DLC1: variants seen among roughly 807,000 people sequenced by gnomAD.
DLC1 encodes rho GTPase-activating protein 7.
DLC1 carries 54 observed loss-of-function variants against 140.3 expected under a neutral mutation model. That is an observed-to-expected ratio of 0.38 (90% CI 0.31 to 0.48). The LOEUF (loss-of-function observed/expected upper bound fraction) is 0.48, where lower values mean the gene tolerates loss of function less well. Among genes scored for constraint, DLC1 ranks in the 20% least tolerant of loss-of-function variants. The pLI is 0.96. For missense variants in DLC1, 2,536 were observed against 1,907.0 expected (o/e 1.33, Z -6.14); for synonymous variants, 986 against 728.1 (o/e 1.35, Z -5.70).
chr8:13,355,988 G>A (rs1482174832), intron 4 of DLC1, among the ~76,000 whole-genome samples: 1 of 142,918 alleles, frequency 7.0e-6, no homozygotes, highest in Non-Finnish European at 1.5e-5. Flanking sequence ...TACTCAGGAG[G>A]CAGAGGCAGG....
At chr8:13,165,339 G>A (rs1825032412) in intron 5 of DLC1, among the ~76,000 whole-genome samples, 1 of 152,128 alleles carries the variant, frequency 6.6e-6, no homozygotes, top group Non-Finnish European at 1.5e-5. Context: ...CTTCAGAAAG[G>A]GAATAAGTAG....
intron 2 of DLC1, among the ~76,000 whole-genome samples, chr8:13,444,393 A>G (rs568154361): frequency 1.3e-5 from 2 of 152,236 alleles, no homozygotes; most frequent in East Asian, 1.9e-4. Context: ...ACACATGTAT[A>G]CCTATGTAAC....
intron 4 of DLC1, among the ~76,000 whole-genome samples, chr8:13,352,986 C>G (rs1224210513): frequency 1.3e-5 from 2 of 152,074 alleles, no homozygotes; most frequent in African/African-American, 2.4e-5. Flanking sequence ...AAGCAAAGCC[C>G]TACCATAAAT....
intron 2 of DLC1, among the ~76,000 whole-genome samples, chr8:13,454,208 A>C (rs1799286163): frequency 6.6e-6 from 1 of 152,166 alleles, no homozygotes; most frequent in Non-Finnish European, 1.5e-5. Flanking sequence ...CTCCTGGGAA[A>C]CTTATACAAG....
At chr8:13,416,057 G>C (rs567957175) in intron 2 of DLC1, among the ~76,000 whole-genome samples, 8 of 152,290 alleles carry the variant, frequency 5.3e-5, no homozygotes, top group African/African-American at 1.7e-4. Flanking sequence ...CCTAGACACT[G>C]CTCAGCTGAG....
At chr8:13,379,300 G>A (rs996618414) in intron 4 of DLC1, among the ~76,000 whole-genome samples, 4 of 152,086 alleles carry the variant, frequency 2.6e-5, no homozygotes, top group African/African-American at 9.7e-5. Context: ...CCCCACAACA[G>A]TGCAGATGCT....
chr8:13,535,791 A>G (rs1417653549), intron 1 of DLC1, among the ~76,000 whole-genome samples: 1 of 152,102 alleles, frequency 6.6e-6, no homozygotes, highest in Non-Finnish European at 1.5e-5. Flanking sequence ...TAATATTTAT[A>G]AAATGTCTAT....
chr8:13,475,585 A>G (rs1301089470), intron 2 of DLC1, among the ~76,000 whole-genome samples: 1 of 152,258 alleles, frequency 6.6e-6, no homozygotes, highest in African/African-American at 2.4e-5. Flanking sequence ...TATAAACAGT[A>G]GTAGTTTCAC....
chr8:13,207,365 G>A (rs1827716921), intron 5 of DLC1, among the ~76,000 whole-genome samples: 1 of 152,108 alleles, frequency 6.6e-6, no homozygotes, highest in South Asian at 2.1e-4. Context: ...TAGTAAAAAA[G>A]TTGTATTTTG....
At chr8:13,262,848 T>G (rs1359304530) in intron 5 of DLC1, among the ~76,000 whole-genome samples, 1 of 152,224 alleles carries the variant, frequency 6.6e-6, no homozygotes. Flanking sequence ...GGTCATCATC[T>G]CCACAGGCAG....
At chr8:13,482,527 A>G (rs572505942) in intron 2 of DLC1, among the ~76,000 whole-genome samples, 2 of 152,320 alleles carry the variant, frequency 1.3e-5, no homozygotes, top group South Asian at 4.1e-4. Flanking sequence ...TTGACTTCTT[A>G]AAACTATAGC....
intron 2 of DLC1, among the ~76,000 whole-genome samples, chr8:13,451,033 G>A (rs1241902610): frequency 3.9e-5 from 1 of 25,636 alleles, no homozygotes; most frequent in East Asian, 1.0e-3. Flanking sequence ...GTGAGACTCC[G>A]TCTCAAAAAA....
At chr8:13,142,517 A>T (rs999014524) in intron 5 of DLC1, among the ~76,000 whole-genome samples, 1 of 152,200 alleles carries the variant, frequency 6.6e-6, no homozygotes, top group African/African-American at 2.4e-5. Flanking sequence ...TAAAAATAAA[A>T]ATCTAGCTAT....
chr8:13,561,784 A>T (rs560396830), intron 1 of DLC1, among the ~76,000 whole-genome samples: 2 of 152,330 alleles, frequency 1.3e-5, no homozygotes, highest in South Asian at 4.1e-4. Context: ...TGTTTCATAA[A>T]TCCAAGACAA....
chr8:13,591,552 C>T (rs1450961323), intron 1 of DLC1, among the ~76,000 whole-genome samples: 1 of 152,096 alleles, frequency 6.6e-6, no homozygotes, highest in African/African-American at 2.4e-5. Flanking sequence ...AACCTCTTTT[C>T]TTCATAAATT....
At chr8:13,095,050 C>G (rs764387108) in intron 11 of DLC1, 36 bp downstream of exon 11, 1 of 1,613,660 alleles carries the variant, frequency 6.2e-7, no homozygotes, top group South Asian at 1.1e-5. Flanking sequence ...AATCCGAGCT[C>G]CCCTGAGTAC....
At chr8:13,484,342 A>G (rs920992156) in intron 2 of DLC1, among the ~76,000 whole-genome samples, 1 of 152,168 alleles carries the variant, frequency 6.6e-6, no homozygotes, top group African/African-American at 2.4e-5. Context: ...TTCATTCTCA[A>G]TCTCTGTTTT....
At chr8:13,441,387 G>C (rs1256633035) in intron 2 of DLC1, among the ~76,000 whole-genome samples, 4 of 152,098 alleles carry the variant, frequency 2.6e-5, no homozygotes, top group African/African-American at 9.7e-5. Flanking sequence ...GGAAATAAAG[G>C]GTATTCAATT....
intron 2 of DLC1, among the ~76,000 whole-genome samples, chr8:13,447,598 G>A (rs1457539798): frequency 1.3e-5 from 2 of 152,052 alleles, no homozygotes; most frequent in African/African-American, 4.8e-5. Context: ...TTAGATATTA[G>A]GTCTTTAGTT....
Sources: allele counts gnomAD v4.1 joint callset (sites outside exome capture counted in the v4.1 genomes callset), GRCh38; gene constraint gnomAD v4.1.1; transcripts MANE v1.5; gene names NCBI Gene and HGNC (gene_info 2026-07-23, HGNC 2026-07-21).